The following CNTNAP3 variants were observed in gnomAD, a reference collection of about 807,000 sequenced individuals.
CNTNAP3 encodes the protein contactin associated protein family member 3, also known as contactin-associated protein-like 3.
Under a neutral mutation model 92.1 loss-of-function variants are expected in CNTNAP3, and 36 were observed. The observed-to-expected ratio is 0.39, with a 90% CI of 0.30 to 0.52. The LOEUF (loss-of-function observed/expected upper bound fraction) is 0.52. Ranked by LOEUF, CNTNAP3 falls within the 20% of genes least tolerant of loss-of-function variation. The pLI is 0.76. For missense variants in CNTNAP3, 534 were observed against 1,069.6 expected (o/e 0.50, Z 6.98); for synonymous variants, 232 against 422.3 (o/e 0.55, Z 5.53).
In CNTNAP3 at chr9:39,068,615, C is replaced by A. The variant is rs1236218360; in HGVS notation, c.*5275G>T. ...ACTTTGTTACACACTGAAGGGCGACCCTCTCCAGATTTGCAAAGTTTTCTC... is the reference window on the plus strand; with the variant it reads ...ACTTTGTTACACACTGAAGGGCGACACTCTCCAGATTTGCAAAGTTTTCTC... On this transcript the variant is annotated 3_prime_UTR_variant, in exon 24 of 24. Transcript: ENST00000297668. Among the ~76,000 whole-genome samples, 1 of 152,292 alleles carries A rather than the reference C, an allele frequency of 6.6e-6. No individual in the cohort carries two copies. The highest frequency in any genetic ancestry group is 2.4e-5 in the African/African-American group (1 of 41,476).
In CNTNAP3 at chr9:39,065,516, C is replaced by T. The variant is rs912879062; in HGVS notation, c.*8374G>A. ...ATTGGAATTGTTGGGTCATAGGTTT[C>T]ATGTATGCTTAATTATATAAAACAA... is the stretch of plus-strand genomic sequence containing the variant. On this transcript the variant is annotated 3_prime_UTR_variant, in exon 24 of 24. Coordinates refer to ENST00000297668, the MANE Select transcript of CNTNAP3 (RefSeq NM_033655.5). Among the ~76,000 whole-genome samples the T allele has an allele frequency of 1.2e-3, 188 of 151,072 alleles. No individual in the cohort carries two copies. The highest frequency in any genetic ancestry group is 4.4e-3 in the African/African-American group (179 of 40,972).
intron 10 of CNTNAP3, among the ~76,000 whole-genome samples, chr9:39,148,226 T>C (rs1453347325): frequency 5.9e-5 from 9 of 152,144 alleles, no homozygotes; most frequent in Non-Finnish European, 1.3e-4. Context: ...TGAGAGGTAC[T>C]TGACAAATTC....
intron 9 of CNTNAP3, among the ~76,000 whole-genome samples, chr9:39,157,718 C>A (rs1041706223): frequency 5.1e-5 from 1 of 19,440 alleles, no homozygotes; most frequent in Non-Finnish European, 9.9e-5. Context: ...TAGTAAAATG[C>A]AAAACTATAC....
chr9:39,161,656 C>CAATAATAATAATAAT (rs4062749), intron 9 of CNTNAP3, among the ~76,000 whole-genome samples: 2 of 124,388 alleles, frequency 1.6e-5, no homozygotes, highest in East Asian at 2.4e-4. Flanking sequence ...TCTCTACAAA[C>CAATAATAATAATAAT]AATAATAATA....
At position 39,067,655 on chromosome 9, in the gene CNTNAP3, C is replaced by G. The variant is rs1825539092; in HGVS notation, c.*6235G>C. On this transcript the variant is annotated 3_prime_UTR_variant, in exon 24 of 24. Coordinates refer to ENST00000297668, the MANE Select transcript of CNTNAP3 (RefSeq NM_033655.5). ...TCGTGATCTGCCTGCCTCGACCTCCCAAAGTGCTGGGATTACAGGCATGAG... is the reference window on the plus strand; with the variant it reads ...TCGTGATCTGCCTGCCTCGACCTCCGAAAGTGCTGGGATTACAGGCATGAG... Among the ~76,000 whole-genome samples the G allele has an allele frequency of 6.6e-6, 1 of 152,308 alleles. No homozygotes were observed. The highest frequency in any genetic ancestry group is 1.5e-5 in the Non-Finnish European group (1 of 68,058).
chr9:39,068,924 G>A lies in CNTNAP3; in HGVS notation c.*4966C>T, dbSNP rs1180458783. Among the ~76,000 whole-genome samples, 25 of 152,280 alleles carry A rather than the reference G, an allele frequency of 1.6e-4. No homozygotes were observed. Among genetic ancestry groups the A allele is most frequent in the African/African-American group, 5.8e-4 (24 of 41,462 alleles). Reference sequence around the variant, plus strand: ...TTTGTCTGGTTTGAGGTTGTTTCATGCAGGAGGGTTAGAGGGTAAATATGC... The same window carrying A: ...TTTGTCTGGTTTGAGGTTGTTTCATACAGGAGGGTTAGAGGGTAAATATGC... On this transcript the variant is annotated 3_prime_UTR_variant, in exon 24 of 24. Transcript: ENST00000297668.
At chr9:39,103,961 A>G in intron 15 of CNTNAP3, 47 bp from the exon 16 acceptor site, 16 of 1,506,634 alleles carry the variant, frequency 1.1e-5, no homozygotes, top group Non-Finnish European at 1.4e-5. Context: ...GTCATGAAAC[A>G]AAAATAACAG....
At position 39,140,678 on chromosome 9, in the gene CNTNAP3, C is replaced by A. The variant is rs537542855; in HGVS notation, c.1757-40G>T. 27 of 1,553,462 alleles carry A rather than the reference C, an allele frequency of 1.7e-5. No homozygotes were observed. The East Asian group carries it at 5.2e-4, about 30-fold the overall frequency. ...CAGCCATAAGAACCAGAAAAAATAT[C>A]TCCAGATGTTGAGTCAGTGTCCAAA... On this transcript the variant is annotated intron_variant, in intron 11 of 23. Coordinates refer to ENST00000297668, the MANE Select transcript of CNTNAP3 (RefSeq NM_033655.5).
chr9:39,129,436 AGT>A (rs1821224529), intron 13 of CNTNAP3, among the ~76,000 whole-genome samples: 2 of 152,104 alleles, frequency 1.3e-5, no homozygotes. Context: ...AGTCAGAGAG[AGT>A]GAGAGAGAAT....
At chr9:39,151,250 A>T (rs1294899124) in intron 9 of CNTNAP3, among the ~76,000 whole-genome samples, 1 of 141,580 alleles carries the variant, frequency 7.1e-6, no homozygotes, top group Non-Finnish European at 1.5e-5. Context: ...TTCTTGTTAT[A>T]ACCCTTTAAA....
intron 9 of CNTNAP3, among the ~76,000 whole-genome samples, chr9:39,155,982 T>TA (rs1241391337): frequency 5.2e-5 from 7 of 135,416 alleles, no homozygotes; most frequent in African/African-American, 2.1e-4. Context: ...TAGGAAACCA[T>TA]ATGAACAGAA....
Position 39,068,723 on chromosome 9 carries a change from CCATT to C in CNTNAP3, c.*5163_*5166del, listed in dbSNP as rs1450940903. On this transcript the variant is annotated 3_prime_UTR_variant, in exon 24 of 24. Coordinates refer to ENST00000297668, the MANE Select transcript of CNTNAP3 (RefSeq NM_033655.5). ...ACCTGAACTCTCAGCAACAGCTACT[CCATT>C]CAGAGACTTGCTAGGCTTCCTTAAG... Among the ~76,000 whole-genome samples, 1 of 152,302 alleles carries C rather than the reference CCATT, an allele frequency of 6.6e-6. No homozygotes were observed. The highest frequency in any genetic ancestry group is 2.4e-5 in the African/African-American group (1 of 41,480).
At chr9:39,108,872 C>A (rs147228959) in intron 15 of CNTNAP3, among the ~76,000 whole-genome samples, 1,834 of 152,172 alleles carry the variant, frequency 0.012, 43 homozygotes, top group South Asian at 0.084. Flanking sequence ...GAAAATAGTT[C>A]ATCTCATGAT....
intron 17 of CNTNAP3, among the ~76,000 whole-genome samples, chr9:39,102,247 T>G (rs1826478361): frequency 6.6e-6 from 1 of 152,288 alleles, no homozygotes; most frequent in South Asian, 2.1e-4. Flanking sequence ...ACCACTGCAC[T>G]CCAGCCTGGG....
In CNTNAP3 at chr9:39,217,354, A is replaced by G. The variant is rs1206174890; in HGVS notation, c.390+21639T>C. On this transcript the variant is annotated intron_variant, in intron 3 of 23. Transcript: ENST00000297668. Reference sequence around the variant, plus strand: ...CCTTCTAGAAATATTTCATATTTACATGAGTATATATATATATATATATAT... The same window carrying G: ...CCTTCTAGAAATATTTCATATTTACGTGAGTATATATATATATATATATAT... Among the ~76,000 whole-genome samples, 10 of 9,864 alleles carry G rather than the reference A, an allele frequency of 1.0e-3. 3 individuals carry two copies. The highest frequency in any genetic ancestry group is 1.5e-3 in the African/African-American group (10 of 6,486). The allele number at this position is 9,864 out of a possible 152,430, so 6.5% of individuals were successfully genotyped here.
At chr9:39,092,833 A>T (rs1276951303) in intron 18 of CNTNAP3, among the ~76,000 whole-genome samples, 1 of 140,422 alleles carries the variant, frequency 7.1e-6, no homozygotes, top group Non-Finnish European at 1.6e-5. Flanking sequence ...TTTTATTCCT[A>T]GTTTTTCTAT....
At chr9:39,129,596 G>T (rs7866039) in intron 13 of CNTNAP3, among the ~76,000 whole-genome samples, 1 of 150,686 alleles carries the variant, frequency 6.6e-6, no homozygotes, top group Non-Finnish European at 1.5e-5. Context: ...GAATTGACAC[G>T]ATGTGTACAA....
chr9:39,104,419 G>A (rs1327315141), intron 15 of CNTNAP3, among the ~76,000 whole-genome samples: 4 of 150,852 alleles, frequency 2.7e-5, no homozygotes, highest in South Asian at 4.2e-4. Flanking sequence ...GAGGTAGTTG[G>A]ATAAATGACT....
intron 10 of CNTNAP3, among the ~76,000 whole-genome samples, chr9:39,149,437 C>A (rs552261418): frequency 1.3e-5 from 2 of 152,004 alleles, no homozygotes; most frequent in African/African-American, 4.8e-5. Flanking sequence ...GCAAGCTCCA[C>A]CTCCCGGGTT....
Sources: gnomAD v4.1 joint callset for allele counts (sites outside exome capture counted in the v4.1 genomes callset) on GRCh38, gnomAD v4.1.1 for gene constraint, MANE v1.5 for transcripts, NCBI Gene and HGNC (gene_info 2026-07-23, HGNC 2026-07-21) for gene names.